FUT9: variants seen among roughly 807,000 people sequenced by gnomAD.
The protein encoded by FUT9 is fucosyltransferase 9, also known as 4-galactosyl-N-acetylglucosaminide 3-alpha-L-fucosyltransferase 9.
A neutral mutation model predicts 29.7 loss-of-function variants in FUT9; 15 were observed. The observed-to-expected ratio is 0.51, with a 90% confidence interval of 0.34 to 0.78. FUT9 has a LOEUF of 0.78. Ranked by LOEUF, FUT9 falls within the 30% of genes least tolerant of loss-of-function variation. The pLI is 0.01. For missense variants in FUT9, 319 were observed against 425.4 expected, an observed-to-expected ratio of 0.75 and a Z score of 2.20; for synonymous variants, 169 against 153.7, an observed-to-expected ratio of 1.10 and a Z score of -0.74.
At chr6:96,155,331 C>G (rs1175513188) in intron 2 of FUT9, among the ~76,000 whole-genome samples, 1 of 151,992 alleles carries the variant, frequency 6.6e-6, no homozygotes, top group African/African-American at 2.4e-5. Context: ...TTCTCAAATT[C>G]ATGTCGAAGT....
At position 96,055,883 on chromosome 6, in the gene FUT9, A is replaced by T. The variant is rs1770758006; in HGVS notation, c.-98+39671A>T. On this transcript the variant is annotated intron_variant, in intron 1 of 2. Transcript: ENST00000302103. ...TTGAAAAGAAATTTACCACTCTATT[A>T]CATAAAGTTTAGTGTACAGTTATTC... 3.3e-5 allele frequency among the ~76,000 whole-genome samples: 5 copies of T among 151,254 alleles called. No homozygotes were observed. The South Asian group carries it at 1.0e-3, about 31-fold the overall frequency.
At chr6:96,077,223 C>T (rs902646220) in intron 1 of FUT9, among the ~76,000 whole-genome samples, 5 of 152,016 alleles carry the variant, frequency 3.3e-5, no homozygotes, top group African/African-American at 4.8e-5. Flanking sequence ...CAGTTGCTCC[C>T]CCACCAACAC....
intron 2 of FUT9, among the ~76,000 whole-genome samples, chr6:96,190,753 T>C (rs1043525067): frequency 1.3e-5 from 2 of 152,210 alleles, no homozygotes; most frequent in Non-Finnish European, 2.9e-5. Flanking sequence ...GGTTTTCCGC[T>C]CCATCAGGTC....
intron 1 of FUT9, among the ~76,000 whole-genome samples, chr6:96,081,684 A>G (rs893678537): frequency 1.3e-5 from 2 of 151,864 alleles, no homozygotes; most frequent in African/African-American, 4.8e-5. Context: ...TCTACAAAGT[A>G]CATATTTAGA....
chr6:96,105,177 T>C (rs1771655398), intron 1 of FUT9, among the ~76,000 whole-genome samples: 1 of 152,362 alleles, frequency 6.6e-6, no homozygotes, highest in South Asian at 2.1e-4. Flanking sequence ...TGCATTTCTT[T>C]GTATGCAGTG....
intron 2 of FUT9, among the ~76,000 whole-genome samples, chr6:96,129,580 A>G (rs1158377197): frequency 6.6e-6 from 1 of 152,052 alleles, no homozygotes; most frequent in African/African-American, 2.4e-5. Context: ...AAATATATCT[A>G]AATATATACA....
intron 2 of FUT9, among the ~76,000 whole-genome samples, chr6:96,140,852 A>G (rs538994217): frequency 6.6e-5 from 10 of 152,348 alleles, no homozygotes; most frequent in Middle Eastern, 3.4e-3. Flanking sequence ...ATATTCTTCA[A>G]TCATAATGTT....
At chr6:96,200,426 T>C (rs531683304) in intron 2 of FUT9, among the ~76,000 whole-genome samples, 112 of 152,228 alleles carry the variant, frequency 7.4e-4, no homozygotes, top group Admixed American at 1.0e-3. Flanking sequence ...AGCTGGTTAC[T>C]TGTATCTGTG....
intron 1 of FUT9, among the ~76,000 whole-genome samples, chr6:96,103,419 T>C (rs1246600842): frequency 6.6e-6 from 1 of 152,168 alleles, no homozygotes; most frequent in Non-Finnish European, 1.5e-5. Context: ...ATGAGGAGTG[T>C]GTTAATTTCC....
At chr6:96,024,239 C>A (rs945759852) in intron 1 of FUT9, among the ~76,000 whole-genome samples, 3 of 151,746 alleles carry the variant, frequency 2.0e-5, no homozygotes, top group African/African-American at 7.3e-5. Flanking sequence ...CCTGAAATTC[C>A]CCAACATTCT....
At chr6:96,044,408 C>A (rs1770522593) in intron 1 of FUT9, among the ~76,000 whole-genome samples, 1 of 152,120 alleles carries the variant, frequency 6.6e-6, no homozygotes, top group Non-Finnish European at 1.5e-5. Context: ...GGAAATATTC[C>A]AAAAATCCAT....
intron 2 of FUT9, among the ~76,000 whole-genome samples, chr6:96,191,213 A>G (rs1182358769): frequency 6.6e-6 from 1 of 152,120 alleles, no homozygotes; most frequent in African/African-American, 2.4e-5. Flanking sequence ...CTCAGAAGGC[A>G]AGATATAACT....
chr6:96,020,202 T>A (rs890061167), intron 1 of FUT9, among the ~76,000 whole-genome samples: 1 of 152,150 alleles, frequency 6.6e-6, no homozygotes, highest in Non-Finnish European at 1.5e-5. Context: ...ATAATTTTTA[T>A]TAGAAATTCC....
intron 1 of FUT9, among the ~76,000 whole-genome samples, chr6:96,075,532 C>A (rs1418219065): frequency 6.6e-6 from 1 of 152,116 alleles, no homozygotes; most frequent in African/African-American, 2.4e-5. Context: ...TATATACAAA[C>A]TCAAGTTACT....
At chr6:96,062,006 T>C (rs921699066) in intron 1 of FUT9, among the ~76,000 whole-genome samples, 1 of 152,216 alleles carries the variant, frequency 6.6e-6, no homozygotes, top group South Asian at 2.1e-4. Context: ...TTCCCATGGA[T>C]TGGCTTAATT....
intron 1 of FUT9, among the ~76,000 whole-genome samples, chr6:96,081,004 T>G (rs1018471378): frequency 3.3e-5 from 5 of 152,048 alleles, no homozygotes; most frequent in Non-Finnish European, 7.4e-5. Flanking sequence ...CAACACATCA[T>G]AAAATCTTAC....
intron 2 of FUT9, among the ~76,000 whole-genome samples, chr6:96,136,025 T>C (rs1469037547): frequency 6.6e-6 from 1 of 151,254 alleles, no homozygotes; most frequent in Non-Finnish European, 1.5e-5. Context: ...ATGAAGGTAA[T>C]AGACTTCCTT....
chr6:96,024,192 A>G (rs1325057505), intron 1 of FUT9, among the ~76,000 whole-genome samples: 2 of 151,876 alleles, frequency 1.3e-5, no homozygotes, highest in African/African-American at 4.8e-5. Flanking sequence ...TTAGGTGTCC[A>G]CATCCCAATA....
intron 1 of FUT9, among the ~76,000 whole-genome samples, chr6:96,044,534 TTA>T (rs1770524773): frequency 1.3e-5 from 2 of 152,330 alleles, no homozygotes; most frequent in South Asian, 4.1e-4. Context: ...TATTTTCTTC[TTA>T]TATTATTTGA....
Sources: allele counts gnomAD v4.1 joint callset (sites outside exome capture counted in the v4.1 genomes callset), GRCh38; gene constraint gnomAD v4.1.1; transcripts MANE v1.5; gene names NCBI Gene and HGNC (gene_info 2026-07-23, HGNC 2026-07-21).